Variants in DOCK1 observed in about 807,000 individuals in gnomAD.
DOCK1 encodes dedicator of cytokinesis 1, also known as dedicator of cytokinesis protein 1.
DOCK1 carries 138 observed loss-of-function variants against 262.7 expected under a neutral mutation model. The observed-to-expected ratio is 0.53, with a 90% CI of 0.46 to 0.61. The LOEUF (loss-of-function observed/expected upper bound fraction) is 0.61. Among genes scored for constraint, DOCK1 ranks in the 20% least tolerant of loss-of-function variants. DOCK1 has a pLI of 0.00. For synonymous variants in DOCK1, 866 were observed against 867.4 expected, an observed-to-expected ratio of 1.00 and a Z score of 0.03; for missense variants, 1,908 against 2,370.7, an observed-to-expected ratio of 0.80 and a Z score of 4.05.
rs1317325326 is a variant in DOCK1, at chr10:127,367,503, G to A, written c.3432+5291G>A. Among the ~76,000 whole-genome samples, 8 of 152,110 alleles carry A rather than the reference G, an allele frequency of 5.3e-5. No individual in the cohort carries two copies. The East Asian group carries it at 5.8e-4, about 11-fold the overall frequency. On this transcript the variant is annotated intron_variant, in intron 33 of 51. Coordinates refer to ENST00000623213, the MANE Select transcript of DOCK1 (RefSeq NM_001290223.2). The stretch of plus-strand genomic sequence containing the variant: ...GCCTTAGGTCAGCTTGACAGCACTC[G>A]CTCTGGGGAGGTGGCGATGAAGCTC...
At chr10:127,027,564 G>A (rs1460130245) in intron 16 of DOCK1, among the ~76,000 whole-genome samples, 1 of 151,910 alleles carries the variant, frequency 6.6e-6, no homozygotes, top group Non-Finnish European at 1.5e-5. Flanking sequence ...TCAGCCTGGG[G>A]AACAGAGTGA....
chr10:127,111,858 G>A (rs556818915), intron 25 of DOCK1, among the ~76,000 whole-genome samples: 3 of 152,256 alleles, frequency 2.0e-5, no homozygotes, highest in East Asian at 3.9e-4. Context: ...GTAAATTGTC[G>A]ATGAATTGTG....
chr10:127,110,558 CA>C (rs1479552866), intron 25 of DOCK1, among the ~76,000 whole-genome samples: 3 of 152,092 alleles, frequency 2.0e-5, no homozygotes, highest in Admixed American at 2.0e-4. Flanking sequence ...GAAATGAAGG[CA>C]AAAGCTCGTA....
intron 12 of DOCK1, among the ~76,000 whole-genome samples, chr10:127,017,143 A>ATACACAT (rs2042024805): frequency 7.6e-6 from 1 of 132,332 alleles, no homozygotes; most frequent in African/African-American, 2.9e-5. Context: ...ATACACACAC[A>ATACACAT]GATACAGACA....
chr10:127,306,322 T>C (rs1034826353), intron 29 of DOCK1, among the ~76,000 whole-genome samples: 1 of 152,136 alleles, frequency 6.6e-6, no homozygotes, highest in Non-Finnish European at 1.5e-5. Context: ...GCCCATTTTA[T>C]GCATATTTGA....
intron 45 of DOCK1, among the ~76,000 whole-genome samples, chr10:127,418,894 G>A (rs2068324933): frequency 6.6e-6 from 1 of 152,260 alleles, no homozygotes; most frequent in South Asian, 2.1e-4. Context: ...CAGGACTAGG[G>A]AGGTAGCGCT....
chr10:127,087,482 G>A (rs1252085473), intron 23 of DOCK1, among the ~76,000 whole-genome samples: 2 of 152,088 alleles, frequency 1.3e-5, no homozygotes, highest in East Asian at 1.9e-4. Flanking sequence ...GAGAATATTG[G>A]GTAGAGTGTT....
chr10:127,014,923 C>T (rs570819495), intron 12 of DOCK1: 3 of 152,366 alleles, frequency 2.0e-5, no homozygotes, highest in South Asian at 2.1e-4. Flanking sequence ...AAAGGGGCCT[C>T]ATCAACCAGG....
intron 20 of DOCK1, 144 bp downstream of exon 20, chr10:127,042,858 C>A: frequency 1.1e-6 from 1 of 940,610 alleles, no homozygotes; most frequent in Non-Finnish European, 1.6e-6. Flanking sequence ...ATTGGGGTGG[C>A]AGATTTTTTT....
intron 1 of DOCK1, among the ~76,000 whole-genome samples, chr10:126,925,943 G>T (rs1264645123): frequency 6.6e-6 from 1 of 151,988 alleles, no homozygotes; most frequent in Non-Finnish European, 1.5e-5. Context: ...TTGGCCCTGA[G>T]CTCCATAAAC....
At chr10:127,270,048 C>T (rs555406818) in intron 29 of DOCK1, among the ~76,000 whole-genome samples, 2 of 152,326 alleles carry the variant, frequency 1.3e-5, no homozygotes, top group East Asian at 1.9e-4. Context: ...CAATCATACA[C>T]AGGACCCAGT....
intron 23 of DOCK1, among the ~76,000 whole-genome samples, chr10:127,073,519 G>C (rs186870126): frequency 3.3e-5 from 5 of 152,326 alleles, no homozygotes; most frequent in African/African-American, 9.6e-5. Context: ...GTGAGTTTAG[G>C]ATTTAGAAGG....
chr10:126,948,561 G>A (rs1381479392), intron 1 of DOCK1, among the ~76,000 whole-genome samples: 1 of 151,818 alleles, frequency 6.6e-6, no homozygotes, highest in Non-Finnish European at 1.5e-5. Context: ...GTGGGGTGGG[G>A]TCGGGATAGG....
chr10:127,211,251 A>G (rs1397041662), intron 27 of DOCK1, among the ~76,000 whole-genome samples: 2 of 152,158 alleles, frequency 1.3e-5, no homozygotes, highest in Non-Finnish European at 2.9e-5. Context: ...TGGGATTTTC[A>G]TGTCTCATCT....
chr10:126,912,641 G>A (rs2031960135), intron 1 of DOCK1, among the ~76,000 whole-genome samples: 2 of 150,916 alleles, frequency 1.3e-5, no homozygotes, highest in Admixed American at 6.6e-5. Flanking sequence ...CAGGAGAATG[G>A]CGTGAACCCG....
intron 23 of DOCK1, among the ~76,000 whole-genome samples, chr10:127,092,152 C>T (rs766577264): frequency 5.9e-5 from 9 of 152,170 alleles, no homozygotes; most frequent in South Asian, 2.1e-4. Context: ...CCCATCACTG[C>T]GGAAAGTTCT....
intron 29 of DOCK1, among the ~76,000 whole-genome samples, chr10:127,292,408 G>A (rs2061375203): frequency 6.6e-6 from 1 of 152,140 alleles, no homozygotes. Flanking sequence ...CTTTTCTCTT[G>A]CTTCATGAGA....
At chr10:126,983,407 G>A (rs1197177994) in intron 4 of DOCK1, among the ~76,000 whole-genome samples, 1 of 152,020 alleles carries the variant, frequency 6.6e-6, no homozygotes, top group African/African-American at 2.4e-5. Flanking sequence ...GCCAATGTGG[G>A]CCACGCTTTC....
chr10:127,417,221 CT>C (rs2068210470), intron 44 of DOCK1, among the ~76,000 whole-genome samples: 1 of 152,196 alleles, frequency 6.6e-6, no homozygotes, highest in Non-Finnish European at 1.5e-5. Flanking sequence ...TGAGGTCACC[CT>C]GGGACATGGT....
Sources: gnomAD v4.1 joint callset for allele counts (sites outside exome capture counted in the v4.1 genomes callset) on GRCh38, gnomAD v4.1.1 for gene constraint, MANE v1.5 for transcripts, NCBI Gene and HGNC (gene_info 2026-07-23, HGNC 2026-07-21) for gene names.